The following RNLS variants were observed in gnomAD, a reference collection of about 807,000 sequenced individuals.
RNLS encodes the protein renalase.
A neutral mutation model predicts 39.8 loss-of-function variants in RNLS; 39 were observed. That is an observed-to-expected ratio of 0.98 (90% CI 0.76 to 1.28). The LOEUF is 1.28. Among genes scored for constraint, RNLS ranks in the 50% most tolerant of loss-of-function variants. RNLS has a pLI of 0.00. For synonymous variants in RNLS, 147 were observed against 150.7 expected, an observed-to-expected ratio of 0.98 and a Z score of 0.18; for missense variants, 410 against 413.3, an observed-to-expected ratio of 0.99 and a Z score of 0.07.
intron 5 of RNLS, among the ~76,000 whole-genome samples, chr10:88,318,852 A>G (rs906218204): frequency 3.9e-5 from 6 of 152,194 alleles, no homozygotes; most frequent in East Asian, 1.9e-4. Flanking sequence ...CACTTCCCCA[A>G]CTGCTCCTTC....
At position 88,566,828 on chromosome 10, in the gene RNLS, A is replaced by C. The variant is rs187571044; in HGVS notation, c.526+6075T>G. Among the ~76,000 whole-genome samples the C allele has an allele frequency of 7.2e-5, 11 of 152,276 alleles. 1 individual carries two copies. In the East Asian group the frequency reaches 2.1e-3, roughly 29 times the overall value. On this transcript the variant is annotated intron_variant, in intron 4 of 6. Coordinates refer to ENST00000331772, the MANE Select transcript of RNLS (RefSeq NM_001031709.3). ...ATAAGTATTAGAAGGAAACTTACCT[A>C]AATAAGAGAAGAGCTGAATGTTCAA...
chr10:88,403,730 A>G (rs1413181637), intron 4 of RNLS, among the ~76,000 whole-genome samples: 1 of 151,890 alleles, frequency 6.6e-6, no homozygotes, highest in African/African-American at 2.4e-5. Flanking sequence ...AAATACATAA[A>G]TTTGTCTAGT....
At chr10:88,352,548 G>C (rs1056140294) in intron 5 of RNLS, among the ~76,000 whole-genome samples, 1 of 152,220 alleles carries the variant, frequency 6.6e-6, no homozygotes, top group Admixed American at 6.5e-5. Flanking sequence ...CAGTGATGAA[G>C]CTCACTTGAT....
At chr10:88,319,119 C>T (rs1845984511) in intron 5 of RNLS, among the ~76,000 whole-genome samples, 1 of 152,110 alleles carries the variant, frequency 6.6e-6, no homozygotes, top group Non-Finnish European at 1.5e-5. Context: ...TATATTGCTA[C>T]AACAAGCAGC....
chr10:88,280,496 CCT>C (rs1842971844), downstream of RNLS, among the ~76,000 whole-genome samples: 1 of 152,120 alleles, frequency 6.6e-6, no homozygotes, highest in African/African-American at 2.4e-5. Context: ...TCCTTGGACC[CCT>C]GAGTGTCTAC....
At chr10:88,250,365 A>G in the RNLS span, among the ~76,000 whole-genome samples, 3 of 152,266 alleles carry the variant, frequency 2.0e-5, no homozygotes, top group Non-Finnish European at 4.4e-5. Context: ...GGAAGTCTCC[A>G]TGTGGCTTTA....
chr10:88,285,319 A>T lies in RNLS; in HGVS notation c.*35T>A. On this transcript the variant is annotated 3_prime_UTR_variant, in exon 7 of 7. Coordinates refer to ENST00000331772, the MANE Select transcript of RNLS (RefSeq NM_001031709.3). ...ATAACAGAAAATTGTGAAAATAAAA[A>T]CCCAATACACATGTAGAGAATAAGG... 1 of 1,483,952 alleles carries T rather than the reference A, an allele frequency of 6.7e-7. No individual in the cohort carries two copies. The highest frequency in any genetic ancestry group is 9.0e-7 in the Non-Finnish European group (1 of 1,108,794). The allele number at this position is 1,483,952 out of a possible 1,614,324, so 91.9% of individuals were successfully genotyped here.
intron 1 of RNLS, 76 bp from the exon 2 acceptor site, chr10:88,582,383 A>T (rs1327015662): frequency 1.8e-6 from 2 of 1,104,154 alleles, no homozygotes; most frequent in African/African-American, 3.2e-5. Flanking sequence ...ACCTTAGGTT[A>T]CCCCAAACAG....
intron 4 of RNLS, among the ~76,000 whole-genome samples, chr10:88,468,655 C>T (rs1241316749): frequency 1.3e-5 from 2 of 152,140 alleles, no homozygotes; most frequent in East Asian, 3.8e-4. Flanking sequence ...AAGGCTTTTA[C>T]ACCAGGAAAA....
intron 4 of RNLS, among the ~76,000 whole-genome samples, chr10:88,531,386 T>TCTTGA (rs1442497109): frequency 6.6e-6 from 1 of 152,106 alleles, no homozygotes; most frequent in Non-Finnish European, 1.5e-5. Context: ...TTTTCATTTA[T>TCTTGA]CTTGACTCCA....
the RNLS span, among the ~76,000 whole-genome samples, chr10:88,192,675 C>A: frequency 6.6e-6 from 1 of 152,190 alleles, no homozygotes; most frequent in African/African-American, 2.4e-5. Context: ...GCTCCAAGAA[C>A]ATGAAATCCT....
intron 5 of RNLS, among the ~76,000 whole-genome samples, chr10:88,357,702 C>T (rs1054371903): frequency 6.6e-6 from 1 of 152,168 alleles, no homozygotes; most frequent in Non-Finnish European, 1.5e-5. Flanking sequence ...AGTGTGGTCA[C>T]ATAACTGTGT....
At chr10:88,407,547 A>G (rs1003236574) in intron 4 of RNLS, among the ~76,000 whole-genome samples, 6 of 152,042 alleles carry the variant, frequency 3.9e-5, no homozygotes, top group Non-Finnish European at 8.8e-5. Flanking sequence ...ATCATGAGAA[A>G]AAAAGGCAGA....
intron 4 of RNLS, among the ~76,000 whole-genome samples, chr10:88,461,579 T>C (rs563575326): frequency 3.4e-4 from 51 of 152,218 alleles, no homozygotes; most frequent in Non-Finnish European, 5.3e-4. Context: ...GGTTTATCTA[T>C]CTTGTGGAAT....
At chr10:88,345,298 C>G (rs532898917) in intron 5 of RNLS, among the ~76,000 whole-genome samples, 3 of 152,070 alleles carry the variant, frequency 2.0e-5, no homozygotes, top group Admixed American at 2.0e-4. Context: ...GATTTGCTAA[C>G]GATTTACTTC....
chr10:88,405,282 C>G (rs1164430876), intron 4 of RNLS, among the ~76,000 whole-genome samples: 2 of 151,964 alleles, frequency 1.3e-5, no homozygotes, highest in Non-Finnish European at 2.9e-5. Context: ...TCATTTCCTT[C>G]TCTGATTATT....
intron 1 of RNLS, 112 bp downstream of exon 1, chr10:88,582,961 A>T: frequency 8.1e-7 from 1 of 1,241,296 alleles, no homozygotes; most frequent in Non-Finnish European, 1.1e-6. Flanking sequence ...CCGCTCAGGG[A>T]GCTGAGGGTA....
chr10:88,487,062 T>G (rs1398898532), intron 4 of RNLS, among the ~76,000 whole-genome samples: 1 of 152,162 alleles, frequency 6.6e-6, no homozygotes, highest in Non-Finnish European at 1.5e-5. Context: ...TGCAAAAACA[T>G]GGATGAAGCC....
intron 4 of RNLS, among the ~76,000 whole-genome samples, chr10:88,442,822 C>T (rs10400114): frequency 3.3e-5 from 5 of 152,224 alleles, no homozygotes; most frequent in South Asian, 4.1e-4. Flanking sequence ...TATGTTAGCT[C>T]GTATCAGTAC....
Sources: gnomAD v4.1 joint callset for allele counts (sites outside exome capture counted in the v4.1 genomes callset) on GRCh38, gnomAD v4.1.1 for gene constraint, MANE v1.5 for transcripts, NCBI Gene and HGNC (gene_info 2026-07-23, HGNC 2026-07-21) for gene names.